DNAH1: variants seen among roughly 807,000 people sequenced by gnomAD.
DNAH1 encodes dynein axonemal heavy chain 1, also known as axonemal beta dynein heavy chain 1.
A neutral mutation model predicts 484.3 loss-of-function variants in DNAH1; 327 were observed. That is an observed-to-expected ratio of 0.68 (90% confidence interval 0.62 to 0.74). The LOEUF (loss-of-function observed/expected upper bound fraction) is 0.74. Ranked by LOEUF, DNAH1 falls within the 30% of genes least tolerant of loss-of-function variation. The pLI is 0.00. For missense variants in DNAH1, 5,052 were observed against 5,546.8 expected (o/e 0.91, Z 2.83); for synonymous variants, 2,192 against 2,191.9 (o/e 1.00, Z 0.00).
At chr3:52,328,435 A>G (rs1672314546) in intron 6 of DNAH1, among the ~76,000 whole-genome samples, 1 of 152,134 alleles carries the variant, frequency 6.6e-6, no homozygotes, top group Non-Finnish European at 1.5e-5. Context: ...GCTCACAAAC[A>G]CAAATCCCCA....
chr3:52,361,164 G>A lies in DNAH1; in HGVS notation c.4686G>A (p.Arg1562=), dbSNP rs759859063. Residue 1562 remains arginine (R), a splice_region_variant and synonymous_variant, in exon 29 of 78, where the codon AGG becomes AGA. Transcript: ENST00000420323. This position sits in a 1 kb window ranked among gnomAD's most constrained non-coding sequence, Gnocchi z 5.6. The part of the protein sequence containing the change: ...GRLVITPLTD[R]CYLTLTGALH... The stretch of plus-strand genomic sequence containing the variant: ...AGCCCACCTCCTCTGTCTCCTGCAG[G>A]TGCTACCTGACACTGACCGGAGCTC... 1.3e-6 allele frequency: 2 copies of A among 1,595,020 alleles called. No homozygotes were observed. The highest frequency in any genetic ancestry group is 1.3e-5 in the African/African-American group (1 of 74,248).
At chr3:52,393,758 G>A (rs1049302959) in intron 66 of DNAH1, among the ~76,000 whole-genome samples, 1 of 152,226 alleles carries the variant, frequency 6.6e-6, no homozygotes, top group African/African-American at 2.4e-5. Context: ...AATTAGCTGG[G>A]TGTGGTGGTG....
intron 34 of DNAH1, among the ~76,000 whole-genome samples, chr3:52,366,194 C>T (rs1212251046): frequency 6.6e-6 from 1 of 152,214 alleles, no homozygotes; most frequent in African/African-American, 2.4e-5. Flanking sequence ...GATGGCTGAC[C>T]ACCTGACCAA....
intron 43 of DNAH1, 75 bp from the exon 44 acceptor site, chr3:52,372,821 G>A: frequency 6.5e-7 from 1 of 1,532,710 alleles, no homozygotes; most frequent in Non-Finnish European, 8.8e-7. Context: ...AGGCAAAGCT[G>A]CCACCCGTTC....
Position 52,347,909 on chromosome 3 carries a change from G to A in DNAH1, c.2041G>A (p.Ala681Thr), listed in dbSNP as rs752908001. 1.6e-5 allele frequency: 26 copies of A among 1,609,874 alleles called. No individual in the cohort carries two copies. The highest frequency in any genetic ancestry group is 2.1e-5 in the Non-Finnish European group (25 of 1,178,226). ...TAGCACCCCACTGGAGCAGTTTGAG[G>A]CATCTCTGCTGAACCTCTTCGACAA... ...HYSTPLEQFE[A>T]SLLNLFDKGI... Residue 681 changes from alanine (A) to threonine (T), a missense_variant, in exon 12 of 78, where the codon GCA becomes ACA. Coordinates refer to ENST00000420323, the MANE Select transcript of DNAH1 (RefSeq NM_015512.5).
intron 56 of DNAH1, among the ~76,000 whole-genome samples, chr3:52,387,116 T>C (rs1704144990): frequency 6.6e-6 from 1 of 152,164 alleles, no homozygotes; most frequent in African/African-American, 2.4e-5. Context: ...ATTGAGGAAA[T>C]TGGGACCTGG....
At position 52,361,572 on chromosome 3, in the gene DNAH1, C is replaced by G; in HGVS notation, c.4875-89C>G. The G allele has an allele frequency of 7.1e-7, 1 of 1,402,760 alleles. No individual in the cohort carries two copies. The highest frequency in any genetic ancestry group is 2.1e-5 in the Admixed American group (1 of 48,714). 86.9% of individuals were successfully genotyped at this position (1,402,760 alleles called of 1,614,324 possible). ...GAGATTGCCCCTGAGGGCTTCCTCC[C>G]AAGTGGAGTTGGAGGGGGCCCTCAG... On this transcript the variant is annotated intron_variant, in intron 29 of 77. Coordinates refer to ENST00000420323, the MANE Select transcript of DNAH1 (RefSeq NM_015512.5). This position sits in a 1 kb window ranked among gnomAD's most constrained non-coding sequence, Gnocchi z 5.6.
At position 52,397,026 on chromosome 3, in the gene DNAH1, G is replaced by A. The variant is rs1024381509; in HGVS notation, c.11769G>A (p.Pro3923=). 6.8e-6 allele frequency: 11 copies of A among 1,607,064 alleles called. No homozygotes were observed. The highest frequency in any genetic ancestry group is 4.5e-5 in the East Asian group (2 of 44,440). The change falls in exon 73 of 78, where the codon CCG becomes CCA. Residue 3923 remains proline (P), a synonymous_variant. Coordinates refer to ENST00000420323, the MANE Select transcript of DNAH1 (RefSeq NM_015512.5). ...YSASGIYHQI[P]PTYDLHGYLS... ...CCTCGGGCATCTACCACCAGATCCC[G>A]CCTACCTACGACCTCCACGTGAGTC...
chr3:52,377,024 A>G (rs1703635274), intron 46 of DNAH1, among the ~76,000 whole-genome samples: 1 of 151,508 alleles, frequency 6.6e-6, no homozygotes, highest in Non-Finnish European at 1.5e-5. Flanking sequence ...TCTCCCTCCA[A>G]CCACACTCTC....
chr3:52,374,510 A>G, intron 44 of DNAH1: 1 of 1,474,914 alleles, frequency 6.8e-7, no homozygotes, highest in Non-Finnish European at 9.5e-7. Context: ...TCATTGAACC[A>G]TCAGAATTTG....
chr3:52,377,502 A>G (rs918619731), intron 46 of DNAH1, among the ~76,000 whole-genome samples: 1 of 151,702 alleles, frequency 6.6e-6, no homozygotes, highest in African/African-American at 2.4e-5. Context: ...AAATCATTCC[A>G]TCAGTCCACA....
chr3:52,389,984 CACCTGTAA>C (rs1306601195), intron 60 of DNAH1, among the ~76,000 whole-genome samples: 1 of 152,134 alleles, frequency 6.6e-6, no homozygotes, highest in African/African-American at 2.4e-5. Context: ...TAGGGGCACA[CACCTGTAA>C]GCCTGTAATC....
chr3:52,381,852 G>T lies in DNAH1; in HGVS notation c.7805+16G>T. The T allele has an allele frequency of 6.4e-7, 1 of 1,559,258 alleles. No individual in the cohort carries two copies. Among genetic ancestry groups the T allele is most frequent in the Non-Finnish European group, 8.7e-7 (1 of 1,150,874 alleles). On this transcript the variant is annotated intron_variant, in intron 49 of 77. Transcript: ENST00000420323. This position sits in a 1 kb window ranked among gnomAD's most constrained non-coding sequence, Gnocchi z 4.1. ...CCTCGCACATGTGAGCGCCTCCAGGGCGTGCTGGGCAGTGGGCGGCCAGGG... is the reference window on the plus strand; with the variant it reads ...CCTCGCACATGTGAGCGCCTCCAGGTCGTGCTGGGCAGTGGGCGGCCAGGG...
At chr3:52,327,665 G>A (rs1701397048) in intron 5 of DNAH1, among the ~76,000 whole-genome samples, 1 of 152,204 alleles carries the variant, frequency 6.6e-6, no homozygotes, top group African/African-American at 2.4e-5. Context: ...ACCAGATGCT[G>A]TGTACCCCTG....
chr3:52,331,285 C>T lies in DNAH1; in HGVS notation c.1009C>T (p.Leu337=). ...GCGAGATGAGATGGGGAGGCCCATC[C>T]TGAATGCAGGGGTCACCACTGAAGG... ...LVRDEMGRPI[L]NAGVTTEGRP... Residue 337 remains leucine (L), a synonymous_variant, in exon 7 of 78, where the codon CTG becomes TTG. Transcript: ENST00000420323. 6.2e-7 allele frequency: 1 copy of T among 1,609,398 alleles called. No individual in the cohort carries two copies. Among genetic ancestry groups the T allele is most frequent in the Non-Finnish European group, 8.5e-7 (1 of 1,178,058 alleles).
In DNAH1 at chr3:52,353,751, G is replaced by C; in HGVS notation, c.3480+118G>C. 7.2e-7 allele frequency: 1 copy of C among 1,379,406 alleles called. No homozygotes were observed. Among genetic ancestry groups the C allele is most frequent in the South Asian group, 1.3e-5 (1 of 75,302 alleles). The allele number at this position is 1,379,406 out of a possible 1,614,324, so 85.4% of individuals were successfully genotyped here. A position where few individuals can be genotyped will look rare whatever the true frequency, so the allele number is the denominator to read the frequency against. ...GACAGTAATAAGCCCCATCCCTGGG[G>C]TCATGAGGCCCAGGGGTTGAGATGC... On this transcript the variant is annotated intron_variant, in intron 20 of 77. Coordinates refer to ENST00000420323, the MANE Select transcript of DNAH1 (RefSeq NM_015512.5). This position sits in a 1 kb window ranked among gnomAD's most constrained non-coding sequence, Gnocchi z 5.0.
chr3:52,341,586 G>C (rs1167810667), intron 8 of DNAH1, among the ~76,000 whole-genome samples: 6 of 144,136 alleles, frequency 4.2e-5, no homozygotes, highest in Non-Finnish European at 8.9e-5. Flanking sequence ...CCCCAGGCTA[G>C]AGTGCAGTGG....
In DNAH1 at chr3:52,369,978, T is replaced by A; in HGVS notation, c.6097T>A (p.Tyr2033Asn). ...LRKLPPLLKPYEEHFKALFVS... is the reference protein window; with the variant it reads ...LRKLPPLLKPNEEHFKALFVS... ...GAAGCTGCCTCCCTTGCTGAAGCCC[T>A]ATGAGGAGCATTTCAAGGCCCTCTT... is the stretch of plus-strand genomic sequence containing the variant. Residue 2033 changes from tyrosine (Y) to asparagine (N), a missense_variant, in exon 38 of 78, where the codon TAT becomes AAT. Physicochemically the swap from Tyr to Asn is moderately radical, Grantham distance 143. Transcript: ENST00000420323. 1 of 1,613,894 alleles carries A rather than the reference T, an allele frequency of 6.2e-7. No individual in the cohort carries two copies. The highest frequency in any genetic ancestry group is 8.5e-7 in the Non-Finnish European group (1 of 1,179,840).
chr3:52,354,905 G>A lies in DNAH1; in HGVS notation c.3543G>A (p.Ala1181=), dbSNP rs765335974. Residue 1181 remains alanine, a synonymous_variant, in exon 21 of 78, where the codon GCG becomes GCA. Transcript: ENST00000420323. ...TILFNVLPYK[A]TDTYILKSPD... ...TGTTCAATGTACTGCCCTACAAGGC[G>A]ACAGACACCTACATCCTGAAGAGCC... 2.9e-5 allele frequency: 47 copies of A among 1,613,900 alleles called. No homozygotes were observed. The highest frequency in any genetic ancestry group is 3.3e-4 in the Middle Eastern group (2 of 6,082).
Sources: allele counts gnomAD v4.1 joint callset (sites outside exome capture counted in the v4.1 genomes callset), GRCh38; gene constraint gnomAD v4.1.1; non-coding constraint Gnocchi (gnomAD v3.1); transcripts MANE v1.5; gene names NCBI Gene and HGNC (gene_info 2026-07-23, HGNC 2026-07-21).